The following PEX7 variants were observed in gnomAD, a reference collection of about 807,000 sequenced individuals.
PEX7 encodes peroxisomal biogenesis factor 7.
In PEX7, 34 loss-of-function variants were observed where a neutral mutation model predicts 47.5. That is an observed-to-expected ratio of 0.72 (90% CI 0.54 to 0.95). PEX7 has a LOEUF of 0.95. PEX7 is among the 40% of genes least tolerant of loss of function. The probability of loss-of-function intolerance (pLI) is 0.00; values close to 1 mark genes in which losing one functional copy is unlikely to be tolerated. For missense variants in PEX7, 394 were observed against 400.3 expected, an observed-to-expected ratio of 0.98 and a Z score of 0.13; for synonymous variants, 141 against 148.8, an observed-to-expected ratio of 0.95 and a Z score of 0.38.
intron 5 of PEX7, among the ~76,000 whole-genome samples, chr6:136,856,262 A>G (rs1249155623): frequency 6.7e-6 from 1 of 150,250 alleles, no homozygotes; most frequent in Non-Finnish European, 1.5e-5. Context: ...AATCTTGGTC[A>G]TATCAGCCAG....
chr6:136,839,101 A>T (rs1468077430), intron 3 of PEX7, among the ~76,000 whole-genome samples: 1 of 152,144 alleles, frequency 6.6e-6, no homozygotes, highest in Admixed American at 6.6e-5. Flanking sequence ...GGATCAATTG[A>T]GCCCAGAAGG....
intron 9 of PEX7, among the ~76,000 whole-genome samples, chr6:136,901,842 A>G (rs112809736): frequency 3.3e-5 from 5 of 152,288 alleles, no homozygotes; most frequent in African/African-American, 1.2e-4. Context: ...CTGGAGTGCA[A>G]TGGCGTGATC....
chr6:136,860,806 C>A (rs1479359761), intron 5 of PEX7, among the ~76,000 whole-genome samples: 1 of 152,160 alleles, frequency 6.6e-6, no homozygotes, highest in Non-Finnish European at 1.5e-5. Flanking sequence ...TGAATTCTCA[C>A]AATGAACACA....
At chr6:136,868,500 C>T (rs929562744) in intron 6 of PEX7, among the ~76,000 whole-genome samples, 1 of 152,004 alleles carries the variant, frequency 6.6e-6, no homozygotes, top group African/African-American at 2.4e-5. Context: ...TAGTTTCAAA[C>T]TCATAAATGA....
intron 3 of PEX7, among the ~76,000 whole-genome samples, chr6:136,841,554 C>T (rs1408800945): frequency 6.6e-6 from 1 of 152,084 alleles, no homozygotes; most frequent in Non-Finnish European, 1.5e-5. Context: ...ATCCAAGCAC[C>T]CCTTTTGTAC....
chr6:136,829,070 T>C (rs997187329), intron 3 of PEX7, among the ~76,000 whole-genome samples: 1 of 152,244 alleles, frequency 6.6e-6, no homozygotes, highest in African/African-American at 2.4e-5. Context: ...TAGAAAACAA[T>C]TAAATGGCTT....
At chr6:136,864,125 A>G (rs564781431) in intron 5 of PEX7, among the ~76,000 whole-genome samples, 3 of 152,182 alleles carry the variant, frequency 2.0e-5, no homozygotes, top group Non-Finnish European at 2.9e-5. Flanking sequence ...CCTCATTTGT[A>G]TAGTACTATA....
intron 3 of PEX7, among the ~76,000 whole-genome samples, chr6:136,833,254 A>G (rs547273328): frequency 1.3e-5 from 2 of 152,260 alleles, no homozygotes; most frequent in Non-Finnish European, 2.9e-5. Flanking sequence ...GGAAACTGCC[A>G]CTTTTAAAAG....
chr6:136,823,727 C>T (rs1774131602), intron 1 of PEX7, among the ~76,000 whole-genome samples: 1 of 152,138 alleles, frequency 6.6e-6, no homozygotes, highest in Admixed American at 6.5e-5. Flanking sequence ...CCCATCTCTA[C>T]TGAAAATACA....
chr6:136,879,148 TATC>T (rs1775331090), intron 8 of PEX7, among the ~76,000 whole-genome samples: 1 of 151,020 alleles, frequency 6.6e-6, no homozygotes, highest in Admixed American at 6.6e-5. Context: ...ATATAGCACA[TATC>T]ATATGATATA....
At chr6:136,823,978 T>C (rs1215079967) in intron 1 of PEX7, among the ~76,000 whole-genome samples, 2 of 152,246 alleles carry the variant, frequency 1.3e-5, no homozygotes, top group Non-Finnish European at 2.9e-5. Context: ...CTAGCTATTA[T>C]ACGCACTGAA....
chr6:136,848,452 C>A (rs898928440), intron 5 of PEX7, among the ~76,000 whole-genome samples: 2 of 152,026 alleles, frequency 1.3e-5, no homozygotes, highest in Non-Finnish European at 2.9e-5. Flanking sequence ...CAGTTTTTAC[C>A]CATTCAGTAA....
In PEX7 at chr6:136,913,716, TA is replaced by T; in HGVS notation, c.*192del. ...TAGCTGACTCGTTAAGCCTGATACA[TA>T]AGCCATATTTAAAATTCTAAGAAAT... On this transcript the variant is annotated 3_prime_UTR_variant, in exon 10 of 10. Transcript: ENST00000318471. 3.4e-6 allele frequency: 2 copies of T among 594,260 alleles called. No homozygotes were observed. Among genetic ancestry groups the T allele is most frequent in the Non-Finnish European group, 6.0e-6 (2 of 334,570 alleles). The allele number at this position is 594,260 out of a possible 1,614,324, so 36.8% of individuals were successfully genotyped here.
chr6:136,872,424 A>T (rs1798323898), intron 8 of PEX7, among the ~76,000 whole-genome samples, 171 bp downstream of exon 8: 1 of 152,138 alleles, frequency 6.6e-6, no homozygotes, highest in Admixed American at 6.5e-5. Flanking sequence ...TTCGTGATCC[A>T]GTCACATATA....
At chr6:136,844,443 C>T (rs1774558977) in intron 3 of PEX7, among the ~76,000 whole-genome samples, 1 of 152,030 alleles carries the variant, frequency 6.6e-6, no homozygotes, top group South Asian at 2.1e-4. Flanking sequence ...GTAATGATTC[C>T]TACAGTCAAG....
intron 5 of PEX7, among the ~76,000 whole-genome samples, chr6:136,857,364 A>G (rs1774879705): frequency 6.6e-6 from 1 of 152,210 alleles, no homozygotes; most frequent in African/African-American, 2.4e-5. Flanking sequence ...AATTTTTAAA[A>G]CATACTGAGT....
At chr6:136,889,735 T>C (rs1474522492) in intron 8 of PEX7, among the ~76,000 whole-genome samples, 1 of 152,162 alleles carries the variant, frequency 6.6e-6, no homozygotes, top group East Asian at 1.9e-4. Flanking sequence ...AATGACAAAA[T>C]AAATGAGCTC....
At chr6:136,875,593 G>A (rs1257644092) in intron 8 of PEX7, among the ~76,000 whole-genome samples, 1 of 152,158 alleles carries the variant, frequency 6.6e-6, no homozygotes, top group East Asian at 1.9e-4. Flanking sequence ...TTTTGTGAAT[G>A]TTTCATTTGC....
At chr6:136,886,880 G>A (rs755798518) in intron 8 of PEX7, among the ~76,000 whole-genome samples, 55 of 151,830 alleles carry the variant, frequency 3.6e-4, no homozygotes, top group Non-Finnish European at 7.1e-4. Context: ...TGGTGAGACC[G>A]CACCTCTACA....
Sources: allele counts gnomAD v4.1 joint callset (sites outside exome capture counted in the v4.1 genomes callset), GRCh38; gene constraint gnomAD v4.1.1; transcripts MANE v1.5; gene names NCBI Gene and HGNC (gene_info 2026-07-23, HGNC 2026-07-21).